TRIO: variants seen among roughly 807,000 people sequenced by gnomAD.
The protein encoded by TRIO is trio Rho guanine nucleotide exchange factor, also known as triple functional domain protein.
In TRIO, 58 loss-of-function variants were observed where a neutral mutation model predicts 351.9. The ratio of observed to expected loss-of-function variants is 0.16; its 90% CI spans 0.13 to 0.21. The LOEUF is 0.21. TRIO is among the 10% of genes least tolerant of loss of function. The pLI, the probability that TRIO is intolerant of heterozygous loss-of-function variation, is 1.00. For synonymous variants in TRIO, 1,758 were observed against 1,595.7 expected (o/e 1.10, Z -2.42); for missense variants, 3,201 against 4,027.8 (o/e 0.79, Z 5.56).
At chr5:14,187,904 A>G (rs988681050) in intron 1 of TRIO, among the ~76,000 whole-genome samples, 18 of 152,204 alleles carry the variant, frequency 1.2e-4, no homozygotes, top group Non-Finnish European at 5.9e-5. Flanking sequence ...GTGTTTTGTC[A>G]CTGAAGTTTT....
chr5:14,375,578 G>A (rs570409469), intron 19 of TRIO, among the ~76,000 whole-genome samples: 1 of 152,146 alleles, frequency 6.6e-6, no homozygotes, highest in Admixed American at 6.5e-5. Flanking sequence ...ATTTATGCTC[G>A]AGTCAGTGCA....
chr5:14,452,002 T>C (rs1752878629), intron 34 of TRIO, among the ~76,000 whole-genome samples: 1 of 152,230 alleles, frequency 6.6e-6, no homozygotes, highest in Non-Finnish European at 1.5e-5. Context: ...TCACCGGAAC[T>C]CTCCTGCTGT....
intron 1 of TRIO, among the ~76,000 whole-genome samples, chr5:14,259,989 A>C (rs1012293189): frequency 6.6e-6 from 1 of 152,222 alleles, no homozygotes; most frequent in African/African-American, 2.4e-5. Flanking sequence ...GTCAAAGCAA[A>C]GTAGATTAAC....
intron 21 of TRIO, among the ~76,000 whole-genome samples, chr5:14,384,010 G>C (rs1746336173): frequency 6.6e-6 from 1 of 152,152 alleles, no homozygotes; most frequent in Admixed American, 6.5e-5. Flanking sequence ...GCTGAGACTC[G>C]GCTCGGTCCC....
At chr5:14,331,704 A>T (rs949240942) in intron 10 of TRIO, among the ~76,000 whole-genome samples, 10 of 152,180 alleles carry the variant, frequency 6.6e-5, no homozygotes, top group Non-Finnish European at 1.5e-4. Context: ...TTTGTTTTAG[A>T]CACGGCTGCA....
chr5:14,410,027 C>G (rs1179426130), intron 33 of TRIO, among the ~76,000 whole-genome samples: 1 of 152,088 alleles, frequency 6.6e-6, no homozygotes, highest in Non-Finnish European at 1.5e-5. Context: ...CTTAAACAGA[C>G]CTGGCGAATT....
chr5:14,505,451 T>G (rs1022283322), intron 55 of TRIO, among the ~76,000 whole-genome samples: 19 of 152,182 alleles, frequency 1.2e-4, no homozygotes, highest in African/African-American at 4.6e-4. Flanking sequence ...TGGGGAAGGG[T>G]AAAACCTTTT....
chr5:14,224,679 G>A (rs1180996129), intron 1 of TRIO, among the ~76,000 whole-genome samples: 1 of 151,986 alleles, frequency 6.6e-6, no homozygotes. Flanking sequence ...AGGACTCAGT[G>A]GCTAAAATAT....
In TRIO at chr5:14,472,487, A is replaced by G. The variant is rs773883149; in HGVS notation, c.5913-105A>G. 481 of 1,162,858 alleles carry G rather than the reference A, an allele frequency of 4.1e-4. 2 individuals are homozygous for G. Among genetic ancestry groups the G allele is most frequent in the Middle Eastern group, 1.6e-3 (8 of 4,906 alleles). 72.0% of individuals were successfully genotyped at this position (1,162,858 alleles called of 1,614,324 possible). A position where few individuals can be genotyped will look rare whatever the true frequency, so the allele number is the denominator to read the frequency against. On this transcript the variant is annotated intron_variant, in intron 38 of 56. Coordinates refer to ENST00000344204, the MANE Select transcript of TRIO (RefSeq NM_007118.4). ...ACACCTAAATGTACAAATTTGATAC[A>G]TTACTATTCAGTCCTGGAAGGAGTC...
intron 34 of TRIO, among the ~76,000 whole-genome samples, chr5:14,439,222 G>A (rs1184650766): frequency 6.6e-6 from 1 of 152,084 alleles, no homozygotes; most frequent in Admixed American, 6.5e-5. Flanking sequence ...CACCATGTTG[G>A]CCAGGCTAGT....
chr5:14,211,108 C>T (rs1197819563), intron 1 of TRIO, among the ~76,000 whole-genome samples: 1 of 152,122 alleles, frequency 6.6e-6, no homozygotes, highest in Non-Finnish European at 1.5e-5. Flanking sequence ...TATTTTTAGA[C>T]CTTTTGACTT....
intron 1 of TRIO, among the ~76,000 whole-genome samples, chr5:14,249,156 A>G (rs1284217696): frequency 6.6e-6 from 1 of 152,260 alleles, no homozygotes; most frequent in Non-Finnish European, 1.5e-5. Flanking sequence ...TCTCCTATGA[A>G]GGAAAACAGT....
At chr5:14,476,862 AATAGTT>A (rs1755115581) in intron 40 of TRIO, 26 bp from the exon 41 acceptor site, 1 of 1,575,556 alleles carries the variant, frequency 6.3e-7, no homozygotes, top group African/African-American at 1.4e-5. Flanking sequence ...CCACACTGGA[AATAGTT>A]CTAATATTTT....
chr5:14,488,286 C>CTCCCGCCCCCCTGCCTCTG (rs1561550409), intron 48 of TRIO, 26 bp downstream of exon 48: 2 of 1,527,594 alleles, frequency 1.3e-6, no homozygotes, highest in South Asian at 1.2e-5. Context: ...GGCCCGCGCC[C>CTCCCGCCCCCCTGCCTCTG]TCCCGCCCCC....
intron 28 of TRIO, among the ~76,000 whole-genome samples, chr5:14,395,663 T>G (rs1419513961): frequency 6.6e-6 from 1 of 152,220 alleles, no homozygotes; most frequent in African/African-American, 2.4e-5. Context: ...AAGTAACCAC[T>G]GGGAGACCAG....
intron 11 of TRIO, among the ~76,000 whole-genome samples, chr5:14,344,302 A>G (rs1176830209): frequency 1.3e-5 from 2 of 152,248 alleles, no homozygotes; most frequent in East Asian, 3.8e-4. Context: ...CTAGCGTGGC[A>G]TACTGATTTT....
At chr5:14,199,142 T>G (rs2152167878) in intron 1 of TRIO, among the ~76,000 whole-genome samples, 1 of 122,224 alleles carries the variant, frequency 8.2e-6, no homozygotes, top group African/African-American at 3.2e-5. Context: ...GAGGCTGAGA[T>G]GGGAGAATTG....
intron 1 of TRIO, among the ~76,000 whole-genome samples, chr5:14,176,907 A>T (rs2152132354): frequency 6.6e-6 from 1 of 152,350 alleles, no homozygotes; most frequent in Middle Eastern, 3.4e-3. Flanking sequence ...ATGGCCATTA[A>T]ATATTTTATG....
chr5:14,210,956 C>T (rs1791852114), intron 1 of TRIO, among the ~76,000 whole-genome samples: 1 of 152,134 alleles, frequency 6.6e-6, no homozygotes, highest in Non-Finnish European at 1.5e-5. Flanking sequence ...TCCATCTTCC[C>T]CACTCCTGCC....
Sources: allele counts gnomAD v4.1 joint callset (sites outside exome capture counted in the v4.1 genomes callset), GRCh38; gene constraint gnomAD v4.1.1; transcripts MANE v1.5; gene names NCBI Gene and HGNC (gene_info 2026-07-23, HGNC 2026-07-21).